The following MAP7 variants were observed in gnomAD, a reference collection of about 807,000 sequenced individuals.
MAP7 encodes the protein microtubule associated protein 7, also known as ensconsin.
MAP7 carries 52 observed loss-of-function variants against 94.8 expected under a neutral mutation model. That is an observed-to-expected ratio of 0.55 (90% CI 0.44 to 0.69). MAP7 has a LOEUF of 0.69. MAP7 is among the 30% of genes least tolerant of loss of function. The pLI, the probability that MAP7 is intolerant of heterozygous loss-of-function variation, is 0.00. For missense variants in MAP7, 940 were observed against 964.6 expected (o/e 0.97, Z 0.34); for synonymous variants, 350 against 357.0 (o/e 0.98, Z 0.22).
At chr6:136,421,591 G>T in intron 2 of MAP7, 110 bp downstream of exon 2, 1 of 1,044,484 alleles carries the variant, frequency 9.6e-7, no homozygotes, top group Non-Finnish European at 1.4e-6. Context: ...CTAAATTCGA[G>T]TTTTCTGGAA....
intron 1 of MAP7, among the ~76,000 whole-genome samples, chr6:136,520,078 C>T (rs1825946367): frequency 6.6e-6 from 1 of 151,662 alleles, no homozygotes; most frequent in East Asian, 1.9e-4. Flanking sequence ...TGGTATGCAC[C>T]TCTAGTTGCA....
chr6:136,376,337 G>A (rs1395149010), intron 7 of MAP7, among the ~76,000 whole-genome samples: 2 of 151,756 alleles, frequency 1.3e-5, no homozygotes, highest in East Asian at 1.9e-4. Flanking sequence ...TGACCTCAAC[G>A]ATCTGCCCAC....
chr6:136,345,869 T>C lies in MAP7; in HGVS notation c.2226A>G (p.Thr742=), dbSNP rs2128510355. ...AGGCAAGCTTACCTGCAGTCTGCTG[T>C]GTCTGAACACCATCTACCTGAGGCA... ...GPLPQVDGVQ[T]QQTAEVI The change falls in exon 17 of 18, where the codon ACA becomes ACG. Residue 742 remains threonine, a synonymous_variant. Transcript: ENST00000354570. 1 of 1,614,146 alleles carries C rather than the reference T, an allele frequency of 6.2e-7. No homozygotes were observed. Among genetic ancestry groups the C allele is most frequent in the East Asian group, 2.2e-5 (1 of 44,876 alleles).
In MAP7 at chr6:136,514,024, G is replaced by C. The variant is rs534759538; in HGVS notation, c.67+36318C>G. ...GTCTCTTCTTCAGCCTCTTGAACCTGGTGCCATCCCCGCTGGAGTCAATAG... is the reference window on the plus strand; with the variant it reads ...GTCTCTTCTTCAGCCTCTTGAACCTCGTGCCATCCCCGCTGGAGTCAATAG... On this transcript the variant is annotated intron_variant, in intron 1 of 17. Transcript: ENST00000354570. Among the ~76,000 whole-genome samples, 120 of 152,010 alleles carry C rather than the reference G, an allele frequency of 7.9e-4. 1 individual carries two copies. Among genetic ancestry groups the C allele is most frequent in the East Asian group, 9.7e-4 (5 of 5,168 alleles).
At chr6:136,498,934 A>G (rs2129005663) in intron 1 of MAP7, among the ~76,000 whole-genome samples, 1 of 149,496 alleles carries the variant, frequency 6.7e-6, no homozygotes, top group South Asian at 2.1e-4. Flanking sequence ...GTTGAGACAT[A>G]GTTTCACTCT....
chr6:136,544,866 G>A (rs1257421608), intron 1 of MAP7, among the ~76,000 whole-genome samples: 1 of 152,038 alleles, frequency 6.6e-6, no homozygotes, highest in Non-Finnish European at 1.5e-5. Flanking sequence ...CAGCTAAGCC[G>A]GGAGGATCAC....
chr6:136,479,709 C>A (rs948779425), intron 1 of MAP7, among the ~76,000 whole-genome samples: 2 of 152,040 alleles, frequency 1.3e-5, no homozygotes, highest in South Asian at 4.1e-4. Flanking sequence ...TTTCCATACA[C>A]CAACAGCAAA....
intron 2 of MAP7, chr6:136,420,428 A>G: frequency 3.9e-6 from 2 of 508,124 alleles, no homozygotes; most frequent in Non-Finnish European, 7.1e-6. Flanking sequence ...TCTGCCAACA[A>G]ATGTGATTTT....
At chr6:136,463,741 G>C (rs928650398) in intron 1 of MAP7, among the ~76,000 whole-genome samples, 4 of 152,110 alleles carry the variant, frequency 2.6e-5, no homozygotes, top group African/African-American at 9.7e-5. Flanking sequence ...GGAGACTGAG[G>C]CTCAGGGAGG....
chr6:136,420,192 C>A, intron 2 of MAP7: 2 of 1,004,596 alleles, frequency 2.0e-6, no homozygotes, highest in Admixed American at 3.4e-5. Context: ...CCCCAGATGA[C>A]TGGATCTTGT....
intron 6 of MAP7, among the ~76,000 whole-genome samples, chr6:136,382,958 T>G (rs1778200987): frequency 1.3e-5 from 2 of 152,234 alleles, no homozygotes; most frequent in Non-Finnish European, 2.9e-5. Context: ...CTTGATTTTT[T>G]TCATTCTATG....
At chr6:136,488,916 T>A (rs1815634512) in intron 1 of MAP7, among the ~76,000 whole-genome samples, 1 of 152,122 alleles carries the variant, frequency 6.6e-6, no homozygotes, top group Non-Finnish European at 1.5e-5. Context: ...TTTTACCAAT[T>A]TCTGATGTTT....
intron 1 of MAP7, among the ~76,000 whole-genome samples, chr6:136,441,285 C>A (rs537805572): frequency 1.3e-5 from 2 of 152,208 alleles, no homozygotes; most frequent in Admixed American, 6.5e-5. Flanking sequence ...AATATTTTAT[C>A]ATTTTTCCCT....
At chr6:136,456,822 G>GAAGGAGGAA (rs1554259490) in intron 1 of MAP7, among the ~76,000 whole-genome samples, 6 of 69,038 alleles carry the variant, frequency 8.7e-5, no homozygotes, top group Non-Finnish European at 1.6e-4. Context: ...AGAAGAAGAA[G>GAAGGAGGAA]GAAGAAGAAG....
intron 3 of MAP7, among the ~76,000 whole-genome samples, chr6:136,394,971 T>TATATATATATAA (rs56352511): frequency 2.3e-5 from 3 of 128,634 alleles, no homozygotes; most frequent in South Asian, 2.5e-4. Context: ...TATATATATA[T>TATATATATATAA]CACATTTTCC....
intron 16 of MAP7, among the ~76,000 whole-genome samples, chr6:136,353,585 G>A (rs1454861264): frequency 2.0e-5 from 3 of 152,064 alleles, no homozygotes; most frequent in Non-Finnish European, 4.4e-5. Flanking sequence ...ACAGGGTCTC[G>A]CTCTGTCACT....
intron 1 of MAP7, among the ~76,000 whole-genome samples, chr6:136,495,339 T>C (rs1034263627): frequency 2.0e-5 from 3 of 152,202 alleles, no homozygotes; most frequent in African/African-American, 7.2e-5. Flanking sequence ...TGATTGTGTG[T>C]GGACCGTTCC....
At chr6:136,363,862 G>A (rs919087164) in intron 10 of MAP7, among the ~76,000 whole-genome samples, 1 of 152,144 alleles carries the variant, frequency 6.6e-6, no homozygotes, top group African/African-American at 2.4e-5. Context: ...CCATGTTTAG[G>A]AATCAACTGA....
chr6:136,350,610 C>T (rs751788284), intron 16 of MAP7, among the ~76,000 whole-genome samples: 1 of 152,174 alleles, frequency 6.6e-6, no homozygotes, highest in East Asian at 1.9e-4. Context: ...CTTCAGGAGG[C>T]CAAGGTGGGA....
Sources: gnomAD v4.1 joint callset for allele counts (sites outside exome capture counted in the v4.1 genomes callset) on GRCh38, gnomAD v4.1.1 for gene constraint, MANE v1.5 for transcripts, NCBI Gene and HGNC (gene_info 2026-07-23, HGNC 2026-07-21) for gene names.